The following STK3 variants were observed in gnomAD, a reference collection of about 807,000 sequenced individuals.
The protein encoded by STK3 is serine/threonine kinase 3.
Under a neutral mutation model 58.0 loss-of-function variants are expected in STK3, and 41 were observed. The observed-to-expected ratio is 0.71, with a 90% CI of 0.55 to 0.92. The LOEUF is 0.92. STK3 is among the 40% of genes least tolerant of loss of function. The probability of loss-of-function intolerance (pLI) is 0.00; values close to 1 mark genes in which losing one functional copy is unlikely to be tolerated. For missense variants in STK3, 479 were observed against 602.7 expected (o/e 0.79, Z 2.15); for synonymous variants, 170 against 191.0 (o/e 0.89, Z 0.91).
chr8:98,768,260 G>A (rs562887660), intron 2 of STK3, among the ~76,000 whole-genome samples: 2 of 152,102 alleles, frequency 1.3e-5, no homozygotes, highest in South Asian at 4.1e-4. Flanking sequence ...AGTAGGGCCA[G>A]AATTCAAACA....
intron 3 of STK3, among the ~76,000 whole-genome samples, chr8:98,852,144 T>TA (rs1836494652): frequency 6.6e-6 from 1 of 151,728 alleles, no homozygotes; most frequent in Non-Finnish European, 1.5e-5. Flanking sequence ...TAATTTTCTT[T>TA]TTTTTTTTTT....
At chr8:98,468,853 G>A (rs1208368213) in intron 10 of STK3, among the ~76,000 whole-genome samples, 1 of 152,234 alleles carries the variant, frequency 6.6e-6, no homozygotes, top group Non-Finnish European at 1.5e-5. Flanking sequence ...GCTAACGCCT[G>A]TAATCCCAGC....
chr8:98,664,970 C>T (rs1391005703), intron 6 of STK3, among the ~76,000 whole-genome samples: 1 of 152,016 alleles, frequency 6.6e-6, no homozygotes, highest in Admixed American at 6.5e-5. Flanking sequence ...AAACATGGAT[C>T]CCAATTCCTA....
intron 6 of STK3, among the ~76,000 whole-genome samples, chr8:98,672,863 G>A (rs190866341): frequency 2.8e-4 from 43 of 152,162 alleles, no homozygotes; most frequent in Non-Finnish European, 5.1e-4. Context: ...GAGGTCGGGG[G>A]CAGTCACTAA....
At chr8:98,523,909 T>C (rs940237582) in intron 10 of STK3, among the ~76,000 whole-genome samples, 1 of 152,234 alleles carries the variant, frequency 6.6e-6, no homozygotes, top group Non-Finnish European at 1.5e-5. Flanking sequence ...TTTAGTGTCA[T>C]AGCCTAGAAA....
intron 10 of STK3, among the ~76,000 whole-genome samples, chr8:98,487,175 A>G (rs774568749): frequency 7.2e-5 from 11 of 152,352 alleles, no homozygotes; most frequent in Non-Finnish European, 1.5e-4. Flanking sequence ...TCTGAGTCTC[A>G]TAAGTTCACT....
chr8:98,403,378 G>A (rs999671969), intron 3 of STK3, among the ~76,000 whole-genome samples: 9 of 152,224 alleles, frequency 5.9e-5, no homozygotes, highest in African/African-American at 1.9e-4. Context: ...TCTGGTGCTG[G>A]TGTTTTAATT....
At chr8:98,501,680 G>C (rs568164594) in intron 10 of STK3, among the ~76,000 whole-genome samples, 1 of 152,276 alleles carries the variant, frequency 6.6e-6, no homozygotes, top group Non-Finnish European at 1.5e-5. Flanking sequence ...CCGATTTCTT[G>C]TTTTCATCAG....
At position 98,731,650 on chromosome 8, in the gene STK3, G is replaced by A. The variant is rs1042842876; in HGVS notation, c.351+17626C>T. Among the ~76,000 whole-genome samples the A allele has an allele frequency of 2.6e-5, 4 of 151,738 alleles. No individual in the cohort carries two copies. In the East Asian group the frequency reaches 7.8e-4, roughly 29 times the overall value. ...AGGCAGGAGAATGGTGTGAACCCGG[G>A]AGGCAGAGCTTGCAGTAAGCCGAGA... On this transcript the variant is annotated intron_variant, in intron 4 of 10. Coordinates refer to ENST00000419617, the MANE Select transcript of STK3 (RefSeq NM_006281.4).
intron 10 of STK3, among the ~76,000 whole-genome samples, chr8:98,512,677 G>A (rs1238929573): frequency 6.6e-6 from 1 of 152,054 alleles, no homozygotes; most frequent in Non-Finnish European, 1.5e-5. Flanking sequence ...TGATTACATG[G>A]TCCTATGTAC....
At chr8:98,525,517 T>TTA (rs1353103312) in intron 10 of STK3, among the ~76,000 whole-genome samples, 3 of 152,118 alleles carry the variant, frequency 2.0e-5, no homozygotes, top group Non-Finnish European at 2.9e-5. Context: ...CATGAATAAT[T>TTA]TAAAGCTTAA....
At chr8:98,831,100 G>A (rs1045281763) in intron 3 of STK3, among the ~76,000 whole-genome samples, 3 of 152,002 alleles carry the variant, frequency 2.0e-5, no homozygotes, top group Non-Finnish European at 4.4e-5. Flanking sequence ...TCAGTTGAGT[G>A]CTCTAAGAGA....
downstream of STK3, among the ~76,000 whole-genome samples, chr8:98,369,394 G>A (rs1247717325): frequency 6.6e-6 from 1 of 152,268 alleles, no homozygotes; most frequent in South Asian, 2.1e-4. Flanking sequence ...AGTCATTTAA[G>A]GCCTTGGTAG....
intron 8 of STK3, among the ~76,000 whole-genome samples, chr8:98,572,082 T>C (rs1038008489): frequency 2.0e-5 from 3 of 152,228 alleles, no homozygotes; most frequent in Non-Finnish European, 4.4e-5. Flanking sequence ...AAGTACTCTT[T>C]TACTGTATAA....
At chr8:98,372,776 G>A (rs1457397894) in intron 2 of STK3, among the ~76,000 whole-genome samples, 3 of 152,172 alleles carry the variant, frequency 2.0e-5, no homozygotes, top group Non-Finnish European at 4.4e-5. Context: ...AAGAGCATGG[G>A]TTGTGAACTC....
chr8:98,447,211 C>G (rs1005576287), intron 1 of STK3, among the ~76,000 whole-genome samples: 4 of 152,006 alleles, frequency 2.6e-5, no homozygotes, highest in Non-Finnish European at 5.9e-5. Flanking sequence ...ACCTATGTAA[C>G]AAACCTTCAC....
chr8:98,848,037 A>T (rs1281643948), intron 3 of STK3, among the ~76,000 whole-genome samples: 2 of 152,154 alleles, frequency 1.3e-5, no homozygotes, highest in African/African-American at 4.8e-5. Context: ...CTTCTTGTTT[A>T]AAAAAACAGT....
chr8:98,749,490 A>G (rs1285766293), intron 3 of STK3, 100 bp from the exon 4 acceptor site: 2 of 514,222 alleles, frequency 3.9e-6, no homozygotes, highest in South Asian at 4.9e-5. Flanking sequence ...TACTGTTCCA[A>G]TAAGTTAAAT....
At chr8:98,774,639 C>A in intron 2 of STK3, 100 bp downstream of exon 2, 1 of 797,490 alleles carries the variant, frequency 1.3e-6, no homozygotes, top group South Asian at 2.3e-5. Context: ...AAATACTATT[C>A]AATTCATACG....
Sources: gnomAD v4.1 joint callset for allele counts (sites outside exome capture counted in the v4.1 genomes callset) on GRCh38, gnomAD v4.1.1 for gene constraint, MANE v1.5 for transcripts, NCBI Gene and HGNC (gene_info 2026-07-23, HGNC 2026-07-21) for gene names.